SPART: variants seen among roughly 807,000 people sequenced by gnomAD.
SPART encodes spartin.
SPART carries 35 observed loss-of-function variants against 58.7 expected under a neutral mutation model. The ratio of observed to expected loss-of-function variants is 0.60; its 90% confidence interval spans 0.46 to 0.79. SPART has a LOEUF of 0.79. SPART is among the 30% of genes least tolerant of loss of function. The pLI is 0.00. For missense variants in SPART, 730 were observed against 786.1 expected (o/e 0.93, Z 0.85); for synonymous variants, 284 against 280.7 (o/e 1.01, Z -0.12).
chr13:36,329,568 G>A (rs772236125), intron 3 of SPART, 51 bp from the exon 4 acceptor site: 30 of 1,578,440 alleles, frequency 1.9e-5, no homozygotes, highest in Non-Finnish European at 2.6e-5. Context: ...TTCTTAGATG[G>A]CTTTCTGCCA....
In SPART at chr13:36,312,195, T is replaced by C; in HGVS notation, c.1683A>G (p.Lys561=). 6.2e-7 allele frequency: 1 copy of C among 1,614,200 alleles called. No individual in the cohort carries two copies. The highest frequency in any genetic ancestry group is 8.5e-7 in the Non-Finnish European group (1 of 1,180,022). Reference sequence around the variant, plus strand: ...CTGCTGAAACATTGTTAACGATGCATTTAGCTGCACATTCCAATCCTTGCC... The same window carrying C: ...CTGCTGAAACATTGTTAACGATGCACTTAGCTGCACATTCCAATCCTTGCC... ...TVWQGLECAA[K]CIVNNVSAET... Residue 561 remains lysine (K), a synonymous_variant, in exon 8 of 9, where the codon AAA becomes AAG. Transcript: ENST00000438666.
At chr13:36,314,016 C>T (rs1206696742) in intron 6 of SPART, 6 of 578,908 alleles carry the variant, frequency 1.0e-5, no homozygotes, top group Non-Finnish European at 1.2e-5. Context: ...GTGTGTCTGT[C>T]CCTAAAATTC....
chr13:36,331,064 A>G (rs535828492), intron 3 of SPART, among the ~76,000 whole-genome samples: 1 of 152,350 alleles, frequency 6.6e-6, no homozygotes, highest in African/African-American at 2.4e-5. Flanking sequence ...TAATGTATTA[A>G]TTTTTAATTT....
At position 36,335,732 on chromosome 13, in the gene SPART, T is replaced by C. The variant is rs762132160; in HGVS notation, c.99A>G (p.Thr33=). The part of the protein sequence containing the change: ...AFLFVNKGLN[T]DELGQKEEAK... ...CTTCTTCCTTCTGACCTAATTCATC[T>C]GTATTCAGACCTTTGTTAACAAATA... is the stretch of plus-strand genomic sequence containing the variant. Residue 33 remains threonine (T), a synonymous_variant, in exon 2 of 9, where the codon ACA becomes ACG. Coordinates refer to ENST00000438666, the MANE Select transcript of SPART (RefSeq NM_015087.5). The C allele has an allele frequency of 6.2e-7, 1 of 1,614,176 alleles. No homozygotes were observed. Among genetic ancestry groups the C allele is most frequent in the South Asian group, 1.1e-5 (1 of 91,084 alleles).
chr13:36,325,092 G>A (rs1882790332), intron 5 of SPART, among the ~76,000 whole-genome samples: 2 of 152,118 alleles, frequency 1.3e-5, no homozygotes, highest in South Asian at 2.1e-4. Flanking sequence ...TCAAGTCACC[G>A]CGGATGTGAT....
At position 36,303,687 on chromosome 13, in the gene SPART, T is replaced by C. The variant is rs904013368; in HGVS notation, c.*678A>G. 5.2e-5 allele frequency: 8 copies of C among 152,598 alleles called. No individual in the cohort carries two copies. Among genetic ancestry groups the C allele is most frequent in the African/African-American group, 1.9e-4 (8 of 41,442 alleles). The allele number at this position is 152,598 out of a possible 1,614,324, so 9.5% of individuals were successfully genotyped here. A position where few individuals can be genotyped will look rare whatever the true frequency, so the allele number is the denominator to read the frequency against. On this transcript the variant is annotated 3_prime_UTR_variant, in exon 9 of 9. Coordinates refer to ENST00000438666, the MANE Select transcript of SPART (RefSeq NM_015087.5). ...AATACAATCATGTTCCCAAATTTCC[T>C]AGGCTCATAACAATACAGTCTCAAT...
Position 36,312,178 on chromosome 13 carries a change from A to T in SPART, c.1700T>A (p.Val567Asp). Reference sequence around the variant, plus strand: ...GACAGTTTGTACAGTTTCTGCTGAAACATTGTTAACGATGCATTTAGCTGC... The same window carrying T: ...GACAGTTTGTACAGTTTCTGCTGAATCATTGTTAACGATGCATTTAGCTGC... ...ECAAKCIVNN[V>D]SAETVQTVRY... Residue 567 changes from valine (V) to aspartate (D), a missense_variant, in exon 8 of 9, where the codon GTT becomes GAT. By Grantham distance (152) the Val-to-Asp change is radical. Transcript: ENST00000438666. The T allele has an allele frequency of 6.2e-7, 1 of 1,614,146 alleles. No individual in the cohort carries two copies. The highest frequency in any genetic ancestry group is 1.1e-5 in the South Asian group (1 of 91,088).
rs1883922742 is a variant in SPART, at chr13:36,335,594, C to T, written c.237G>A (p.Gln79=). 1 of 1,613,566 alleles carries T rather than the reference C, an allele frequency of 6.2e-7. No individual in the cohort carries two copies. Among genetic ancestry groups the T allele is most frequent in the African/African-American group, 1.3e-5 (1 of 74,904 alleles). ...PGWESARQMQ[Q]KMKETLQNVR... Reference sequence around the variant, plus strand: ...CATTCTGTAGAGTTTCTTTCATTTTCTGTTGCATCTGTCTAGCAGATTCCC... The same window carrying T: ...CATTCTGTAGAGTTTCTTTCATTTTTTGTTGCATCTGTCTAGCAGATTCCC... The change falls in exon 2 of 9, where the codon CAG becomes CAA. Residue 79 remains glutamine (Q), a synonymous_variant. Coordinates refer to ENST00000438666, the MANE Select transcript of SPART (RefSeq NM_015087.5).
At position 36,312,237 on chromosome 13, in the gene SPART, T is replaced by C. The variant is rs771101723; in HGVS notation, c.1643-2A>G. ...ATCCTTGCCAGACAGTTGAAAATCC[T>C]GTAAAAATAATATTTAAAACGATGT... On this transcript the variant is annotated splice_acceptor_variant, in intron 7 of 8. Transcript: ENST00000438666. LOFTEE classifies it high-confidence loss of function. The C allele has an allele frequency of 1.9e-6, 3 of 1,614,144 alleles. No individual in the cohort carries two copies. Among genetic ancestry groups the C allele is most frequent in the Non-Finnish European group, 2.5e-6 (3 of 1,179,986 alleles).
chr13:36,343,587 T>C (rs1034409312), intron 1 of SPART, among the ~76,000 whole-genome samples: 2 of 152,138 alleles, frequency 1.3e-5, no homozygotes, highest in African/African-American at 4.8e-5. Context: ...CAAAAATTAT[T>C]TGGGGGTTCA....
chr13:36,350,271 G>A (rs1422855909), upstream of SPART, among the ~76,000 whole-genome samples: 1 of 152,176 alleles, frequency 6.6e-6, no homozygotes, highest in Middle Eastern at 3.4e-3. Context: ...TGAGGTCTCT[G>A]AGTAAGTTAT....
intron 1 of SPART, among the ~76,000 whole-genome samples, chr13:36,343,717 G>A (rs898243409): frequency 6.6e-6 from 1 of 152,150 alleles, no homozygotes; most frequent in Non-Finnish European, 1.5e-5. Flanking sequence ...CTTTTGTTAA[G>A]CTCTCTATAT....
rs530411997 is a variant in SPART, at chr13:36,316,311, G to A, written c.1289-1890C>T. Among the ~76,000 whole-genome samples the A allele has an allele frequency of 1.2e-4, 18 of 152,334 alleles. 1 individual carries two copies. The highest frequency in any genetic ancestry group is 7.7e-4 in the East Asian group (4 of 5,178). On this transcript the variant is annotated intron_variant, in intron 5 of 8. Transcript: ENST00000438666. The stretch of plus-strand genomic sequence containing the variant: ...TCACTGACCAGGTGCAGTGGCTCAC[G>A]CCTGTAATCACAGTGTCAGGCCTCT...
rs1333062899 is a variant in SPART at position 36,302,063 on chromosome 13, AACAT to A, written c.*2298_*2301del. 3 of 152,174 alleles carry A rather than the reference AACAT, an allele frequency of 2.0e-5. No individual in the cohort carries two copies. The highest frequency in any genetic ancestry group is 2.9e-5 in the Non-Finnish European group (2 of 68,028). 9.4% of individuals were successfully genotyped at this position (152,174 alleles called of 1,614,324 possible). ...AAAAAATGAAACAGTATGTTTGGAG[AACAT>A]ACATGTGTGATTAAAAAATGGCAAG... is the stretch of plus-strand genomic sequence containing the variant. On this transcript the variant is annotated 3_prime_UTR_variant, in exon 9 of 9. Coordinates refer to ENST00000438666, the MANE Select transcript of SPART (RefSeq NM_015087.5).
At chr13:36,349,517 A>C (rs2137687152), upstream of SPART, among the ~76,000 whole-genome samples, 1 of 152,300 alleles carries the variant, frequency 6.6e-6, no homozygotes, top group East Asian at 1.9e-4. Context: ...TGGTAGAAGG[A>C]ACAAGTAAAG....
In SPART at chr13:36,339,672, C is replaced by T. The variant is rs542752121; in HGVS notation, c.-2-3840G>A. Among the ~76,000 whole-genome samples, 375 of 117,808 alleles carry T rather than the reference C, an allele frequency of 3.2e-3. 3 individuals carry two copies. The highest frequency in any genetic ancestry group is 0.011 in the African/African-American group (356 of 31,266). The allele number at this position is 117,808 out of a possible 152,430, so 77.3% of individuals were successfully genotyped here. On this transcript the variant is annotated intron_variant, in intron 1 of 8. Coordinates refer to ENST00000438666, the MANE Select transcript of SPART (RefSeq NM_015087.5). ...AAAAAACCAACCAACAAACAAAAAA[C>T]CTCCTAGAAATAGAGAACAGAGAAA...
chr13:36,305,135 C>T (rs1035412047), intron 8 of SPART, among the ~76,000 whole-genome samples: 6 of 152,142 alleles, frequency 3.9e-5, no homozygotes, highest in Non-Finnish European at 8.8e-5. Flanking sequence ...CTCTACTGCA[C>T]ACTCACTGGC....
At chr13:36,343,304 A>T (rs1313887326) in intron 1 of SPART, among the ~76,000 whole-genome samples, 2 of 152,182 alleles carry the variant, frequency 1.3e-5, no homozygotes, top group Non-Finnish European at 2.9e-5. Flanking sequence ...ATAAAAATGC[A>T]TTACCTTAAG....
intron 2 of SPART, among the ~76,000 whole-genome samples, chr13:36,334,278 T>A (rs1225074242): frequency 6.6e-6 from 1 of 152,170 alleles, no homozygotes; most frequent in Non-Finnish European, 1.5e-5. Flanking sequence ...AGCAATGCCC[T>A]GACATCAATC....
Sources: gnomAD v4.1 joint callset for allele counts (sites outside exome capture counted in the v4.1 genomes callset) on GRCh38, gnomAD v4.1.1 for gene constraint, MANE v1.5 for transcripts, NCBI Gene and HGNC (gene_info 2026-07-23, HGNC 2026-07-21) for gene names.